Variants in HERC1 observed in about 807,000 individuals in gnomAD.
HERC1 encodes HECT and RLD domain containing E3 ubiquitin protein ligase family member 1, also known as probable E3 ubiquitin-protein ligase HERC1.
Under a neutral mutation model 554.3 loss-of-function variants are expected in HERC1, and 160 were observed. That is an observed-to-expected ratio of 0.29 (90% CI 0.25 to 0.33). The LOEUF (loss-of-function observed/expected upper bound fraction) is 0.33. HERC1 is among the 10% of genes least tolerant of loss of function. The pLI, the probability that HERC1 is intolerant of heterozygous loss-of-function variation, is 1.00. For missense variants in HERC1, 4,919 were observed against 5,918.5 expected (o/e 0.83, Z 5.54); for synonymous variants, 2,175 against 2,131.7 (o/e 1.02, Z -0.56).
Position 63,775,650 on chromosome 15 carries a change from C to A in HERC1, c.-26-1G>T. 6.6e-7 allele frequency: 1 copy of A among 1,524,482 alleles called. No homozygotes were observed. The highest frequency in any genetic ancestry group is 1.3e-5 in the South Asian group (1 of 78,154). The allele number at this position is 1,524,482 out of a possible 1,614,324, so 94.4% of individuals were successfully genotyped here. Reference sequence around the variant, plus strand: ...TTGATTTATCCTTCAGCCATTAGTCCTGCAAAGGGAGAAGAGAAAACAGTC... The same window carrying A: ...TTGATTTATCCTTCAGCCATTAGTCATGCAAAGGGAGAAGAGAAAACAGTC... On this transcript the variant is annotated splice_acceptor_variant, in intron 1 of 77. Transcript: ENST00000443617. LOFTEE classifies it low-confidence loss of function (5UTR_SPLICE). This position sits in a 1 kb window ranked among gnomAD's most constrained non-coding sequence, Gnocchi z 4.0.
chr15:63,696,003 TA>T (rs1226324316), intron 27 of HERC1, 120 bp downstream of exon 27: 1 of 698,282 alleles, frequency 1.4e-6, no homozygotes, highest in Non-Finnish European at 2.4e-6. Flanking sequence ...GGAGCTATCT[TA>T]AAAAATTTAA....
intron 53 of HERC1, 82 bp downstream of exon 53, chr15:63,651,171 C>T (rs777841990): frequency 3.1e-6 from 4 of 1,291,402 alleles, no homozygotes; most frequent in Non-Finnish European, 4.4e-6. Flanking sequence ...TGAAGAGAAA[C>T]CACTGTTTGG....
Position 63,623,867 on chromosome 15 carries a change from A to C in HERC1, c.13469T>G (p.Phe4490Cys). 1 of 1,614,034 alleles carries C rather than the reference A, an allele frequency of 6.2e-7. No homozygotes were observed. The highest frequency in any genetic ancestry group is 1.1e-5 in the South Asian group (1 of 91,086). ...AACTACTTGTCTCGCTATTTGGACA[A>C]AAATAGGCTTACACTTCCGTCCTCT... ...STRGRKCKPIFVQIARQVVKL... is the reference protein window; with the variant it reads ...STRGRKCKPICVQIARQVVKL... Residue 4490 changes from phenylalanine to cysteine, a missense_variant, in exon 73 of 78, where the codon TTT (phenylalanine) becomes TGT (cysteine). This residue lies in a region of HERC1 where 410 missense variants were observed against 467.0 expected (regional missense o/e 0.88). Transcript: ENST00000443617.
rs750831398 is a variant in HERC1, at chr15:63,727,779, A to T, written c.3214T>A (p.Leu1072Ile). 6.2e-7 allele frequency: 1 copy of T among 1,613,884 alleles called. No homozygotes were observed. The highest frequency in any genetic ancestry group is 8.5e-7 in the Non-Finnish European group (1 of 1,179,870). Residue 1072 changes from leucine to isoleucine, a missense_variant, in exon 17 of 78, where the codon TTA (leucine) becomes ATA (isoleucine). Leu to Ile is a conservative substitution (Grantham distance 5, BLOSUM62 2). Transcript: ENST00000443617. This position sits in a 1 kb window ranked among gnomAD's most constrained non-coding sequence, Gnocchi z 4.3. ...GGCCGAGCCACTGACACAGGGAGTA[A>T]CAGCAGGGAGTTAACAATCTGGCAG... The part of the protein sequence containing the change: ...MLCQIVNSLL[L>I]LPVSVARPLL...
chr15:63,669,168 G>A (rs557243755), intron 40 of HERC1, among the ~76,000 whole-genome samples: 2 of 152,146 alleles, frequency 1.3e-5, no homozygotes, highest in Non-Finnish European at 2.9e-5. Context: ...AAATAGTCCA[G>A]AGGGCAAAGA....
Position 63,674,950 on chromosome 15 carries a change from C to T in HERC1, c.7238G>A (p.Arg2413Gln), listed in dbSNP as rs2071119526. 1.2e-6 allele frequency: 2 copies of T among 1,613,982 alleles called. No individual in the cohort carries two copies. Among genetic ancestry groups the T allele is most frequent in the East Asian group, 2.2e-5 (1 of 44,888 alleles). Residue 2413 changes from arginine to glutamine, a missense_variant, in exon 38 of 78, where the codon CGA (arginine) becomes CAA (glutamine). This residue lies in a region of HERC1 where 1,963 missense variants were observed against 2,228.6 expected (regional missense o/e 0.88). Transcript: ENST00000443617. ...HEDMGKQSTK[R>Q]HEKKHRHESE... is the part of the protein sequence containing the mutation. Reference sequence around the variant, plus strand: ...TTCATGTCGGTGTTTCTTTTCATGTCGTTTGGTGCTCTGTTTGCCCATGTC... The same window carrying T: ...TTCATGTCGGTGTTTCTTTTCATGTTGTTTGGTGCTCTGTTTGCCCATGTC...
rs551580659 is a variant in HERC1, at chr15:63,609,026, A to T, written c.*55T>A. The stretch of plus-strand genomic sequence containing the variant: ...TTACCATAAAAGTATATCAACATCA[A>T]ATCAGAAGTGAGCATTATTGAGGGA... On this transcript the variant is annotated 3_prime_UTR_variant, in exon 78 of 78. Coordinates refer to ENST00000443617, the MANE Select transcript of HERC1 (RefSeq NM_003922.4). 4.9e-5 allele frequency: 73 copies of T among 1,502,954 alleles called. 3 individuals are homozygous for T. In the South Asian group the frequency reaches 8.6e-4, roughly 18 times the overall value. The allele number at this position is 1,502,954 out of a possible 1,614,324, so 93.1% of individuals were successfully genotyped here. A position where few individuals can be genotyped will look rare whatever the true frequency, so the allele number is the denominator to read the frequency against.
chr15:63,772,310 C>T (rs1770602236), intron 2 of HERC1, among the ~76,000 whole-genome samples: 2 of 152,020 alleles, frequency 1.3e-5, no homozygotes, highest in African/African-American at 4.8e-5. Context: ...GAGGAAGAGG[C>T]TTCTGCCTCA....
chr15:63,622,359 G>A (rs1445467377), intron 74 of HERC1, among the ~76,000 whole-genome samples: 8 of 125,748 alleles, frequency 6.4e-5, no homozygotes, highest in South Asian at 2.4e-4. Flanking sequence ...ATGTGGTCTC[G>A]CTCTGTTGCC....
chr15:63,616,653 T>C lies in HERC1; in HGVS notation c.13718A>G (p.Asp4573Gly). Residue 4573 changes from aspartate to glycine, a missense_variant, in exon 75 of 78, where the codon GAT (aspartate) becomes GGT (glycine). Around this residue, in one of 11 missense-constraint regions of HERC1, gnomAD observed 284 missense variants for 294.1 expected, o/e 0.97. Coordinates refer to ENST00000443617, the MANE Select transcript of HERC1 (RefSeq NM_003922.4). The part of the protein sequence containing the change: ...RFLFNPSACL[D>G]EHLMQFKFLG... ...AAACTTAAACTGCATTAAGTGTTCATCGAGGCAGGCAGAAGGGTTAAAAAG... is the reference window on the plus strand; with the variant it reads ...AAACTTAAACTGCATTAAGTGTTCACCGAGGCAGGCAGAAGGGTTAAAAAG... 7 of 1,613,772 alleles carry C rather than the reference T, an allele frequency of 4.3e-6. No individual in the cohort carries two copies. The highest frequency in any genetic ancestry group is 5.9e-6 in the Non-Finnish European group (7 of 1,179,796).
In HERC1 at chr15:63,641,479, G is replaced by A. The variant is rs370960151; in HGVS notation, c.11598C>T (p.Ala3866=). The change falls in exon 60 of 78, where the codon GCC becomes GCT. Residue 3866 remains alanine, a synonymous_variant. Transcript: ENST00000443617. ...GAGTGTAATGAGTTACCTTTTCATA[G>A]GCATACTGCTCCTGAAGCATCATGG... is the stretch of plus-strand genomic sequence containing the variant. ...RLPMMLQEQY[A]YEKPHVVCGD... 8 of 1,611,146 alleles carry A rather than the reference G, an allele frequency of 5.0e-6. No individual in the cohort carries two copies. In the African/African-American group the frequency reaches 1.1e-4, roughly 22 times the overall value.
chr15:63,662,678 T>C (rs2070419690), intron 44 of HERC1, among the ~76,000 whole-genome samples: 1 of 152,212 alleles, frequency 6.6e-6, no homozygotes, highest in South Asian at 2.1e-4. Context: ...TGTCAACGTC[T>C]ACTGGAACCT....
At position 63,734,008 on chromosome 15, in the gene HERC1, G is replaced by GA. The variant is rs138069909; in HGVS notation, c.2646+715dup. Among the ~76,000 whole-genome samples, 4,683 of 151,138 alleles carry GA rather than the reference G, an allele frequency of 0.031. 229 individuals are homozygous for GA. Among genetic ancestry groups the GA allele is most frequent in the African/African-American group, 0.11 (4,380 of 41,200 alleles). ...CAAGACCCCACCGCTATAAAAATAA[G>GA]AAAAAAAAATTAGCCGGGTGTGGTG... is the stretch of plus-strand genomic sequence containing the variant. On this transcript the variant is annotated intron_variant, in intron 13 of 77. Coordinates refer to ENST00000443617, the MANE Select transcript of HERC1 (RefSeq NM_003922.4). This position sits in a 1 kb window ranked among gnomAD's most constrained non-coding sequence, Gnocchi z 4.6.
At chr15:63,617,006 CTTTT>C (rs569316030) in intron 74 of HERC1, among the ~76,000 whole-genome samples, 1 of 144,132 alleles carries the variant, frequency 6.9e-6, no homozygotes, top group Non-Finnish European at 1.5e-5. Context: ...AAATCATTAT[CTTTT>C]TTTTTTTTTA....
chr15:63,684,107 A>T (rs1191009858), intron 34 of HERC1, among the ~76,000 whole-genome samples: 1 of 152,200 alleles, frequency 6.6e-6, no homozygotes, highest in Non-Finnish European at 1.5e-5. Flanking sequence ...CCACGAAAAG[A>T]GTGTGTTTTC....
chr15:63,630,418 G>T, intron 69 of HERC1, 48 bp downstream of exon 69: 1 of 1,565,774 alleles, frequency 6.4e-7, no homozygotes. Context: ...GAGGAACACT[G>T]TGAGATTTCT....
chr15:63,654,200 T>C lies in HERC1; in HGVS notation c.10209A>G (p.Gln3403=), dbSNP rs749567144. ...TATCAGCAAGTGTCTGCAGAGTAGT[T>C]TGGTTGTCACGGTCGTGTGCAGCAA... ...RTLAAHDRDN[Q]TTLQTLADMG... is the part of the protein sequence containing the mutation. The change falls in exon 51 of 78, where the codon CAA becomes CAG. Residue 3403 remains glutamine (Q), a synonymous_variant. Coordinates refer to ENST00000443617, the MANE Select transcript of HERC1 (RefSeq NM_003922.4). The C allele has an allele frequency of 1.2e-6, 2 of 1,614,014 alleles. No homozygotes were observed. Among genetic ancestry groups the C allele is most frequent in the Non-Finnish European group, 1.7e-6 (2 of 1,179,868 alleles).
At chr15:63,752,901 T>C (rs747675431) in intron 8 of HERC1, 57 bp downstream of exon 8, 2 of 1,459,018 alleles carry the variant, frequency 1.4e-6, no homozygotes, top group Non-Finnish European at 1.9e-6. Context: ...TATTACTTTT[T>C]AGTCACCTAA....
intron 12 of HERC1, among the ~76,000 whole-genome samples, chr15:63,738,229 T>A (rs1378636985): frequency 6.6e-6 from 1 of 152,080 alleles, no homozygotes; most frequent in African/African-American, 2.4e-5. Context: ...AATTAAATAA[T>A]ACTCATGAAA....
Sources: allele counts gnomAD v4.1 joint callset (sites outside exome capture counted in the v4.1 genomes callset), GRCh38; gene constraint gnomAD v4.1.1; regional missense constraint gnomAD v4.1.1; non-coding constraint Gnocchi (gnomAD v3.1); transcripts MANE v1.5; gene names NCBI Gene and HGNC (gene_info 2026-07-23, HGNC 2026-07-21).